Variants in PUS7 observed in about 807,000 individuals in gnomAD.
The protein encoded by PUS7 is pseudouridylate synthase 7 homolog.
Under a neutral mutation model 79.8 loss-of-function variants are expected in PUS7, and 48 were observed. The observed-to-expected ratio is 0.60, with a 90% confidence interval of 0.48 to 0.76. The LOEUF (loss-of-function observed/expected upper bound fraction) is 0.76. PUS7 is among the 30% of genes least tolerant of loss of function. PUS7 has a pLI of 0.00. For synonymous variants in PUS7, 286 were observed against 272.2 expected, an observed-to-expected ratio of 1.05 and a Z score of -0.50; for missense variants, 729 against 797.6, an observed-to-expected ratio of 0.91 and a Z score of 1.04.
intron 12 of PUS7, among the ~76,000 whole-genome samples, chr7:105,467,032 C>CTTTT (rs1823671015): frequency 2.0e-5 from 1 of 51,028 alleles, no homozygotes; most frequent in East Asian, 9.1e-4. Context: ...CCAGTTTTTT[C>CTTTT]TGTTTTTTTT....
intron 8 of PUS7, among the ~76,000 whole-genome samples, chr7:105,481,874 G>A (rs548043205): frequency 1.3e-5 from 2 of 152,162 alleles, no homozygotes; most frequent in African/African-American, 4.8e-5. Flanking sequence ...GGGACTACAG[G>A]TGTCTGCCAC....
At chr7:105,504,107 T>C (rs1464201050) in intron 4 of PUS7, among the ~76,000 whole-genome samples, 1 of 150,470 alleles carries the variant, frequency 6.6e-6, no homozygotes, top group Non-Finnish European at 1.5e-5. Flanking sequence ...TTCACTCTTG[T>C]TGCCCAGGCT....
intron 6 of PUS7, among the ~76,000 whole-genome samples, chr7:105,492,846 T>C (rs534595157): frequency 8.7e-4 from 132 of 152,318 alleles, no homozygotes; most frequent in African/African-American, 3.1e-3. Context: ...TTTCGCCATG[T>C]TGGCCAGGCT....
rs1292460321 is a variant in PUS7 at position 105,470,825 on chromosome 7, A to G, written c.1261T>C (p.Cys421Arg). 6.2e-7 allele frequency: 1 copy of G among 1,604,794 alleles called. No individual in the cohort carries two copies. Among genetic ancestry groups the G allele is most frequent in the South Asian group, 1.1e-5 (1 of 90,540 alleles). Reference protein sequence around the residue: ...SGAEKGYLVKCREEWAKTKDP... With the variant: ...SGAEKGYLVKRREEWAKTKDP... ...TTGGTCTTTGCCCATTCTTCTCTGC[A>G]TTTAACCAAGTAGCCCTTTTCAGCT... Residue 421 changes from cysteine (C) to arginine (R), a missense_variant, in exon 11 of 16, where the codon TGC becomes CGC. By Grantham distance (180) the Cys-to-Arg change is radical. Coordinates refer to ENST00000469408, the MANE Select transcript of PUS7 (RefSeq NM_019042.5).
chr7:105,470,667 G>T, intron 11 of PUS7, 21 bp downstream of exon 11: 1 of 1,543,618 alleles, frequency 6.5e-7, no homozygotes, highest in Non-Finnish European at 8.8e-7. Flanking sequence ...GCCATTGCCT[G>T]ACTTCACAAA....
At chr7:105,497,108 C>T (rs554955816) in intron 5 of PUS7, 10 of 466,384 alleles carry the variant, frequency 2.1e-5, no homozygotes, top group African/African-American at 1.0e-4. Flanking sequence ...GGTAGTTATG[C>T]GGTGGGTTAA....
intron 7 of PUS7, among the ~76,000 whole-genome samples, chr7:105,485,715 C>T (rs1009754816): frequency 9.2e-5 from 14 of 152,202 alleles, no homozygotes; most frequent in Admixed American, 5.9e-4. Flanking sequence ...ACTTTGAATA[C>T]GTACTAAATC....
chr7:105,465,705 T>C (rs1329629673), intron 12 of PUS7, among the ~76,000 whole-genome samples: 1 of 152,034 alleles, frequency 6.6e-6, no homozygotes, highest in Non-Finnish European at 1.5e-5. Flanking sequence ...TGGTGGCGCA[T>C]GCCTGTAATC....
intron 1 of PUS7, among the ~76,000 whole-genome samples, chr7:105,521,191 A>C (rs1826093778): frequency 6.6e-6 from 1 of 152,080 alleles, no homozygotes; most frequent in African/African-American, 2.4e-5. Context: ...CCCCCAGGCC[A>C]ATGGGGCATA....
Position 105,508,232 on chromosome 7 carries a change from T to A in PUS7, c.281A>T (p.Glu94Val), listed in dbSNP as rs762900732. ...EEEDGLSEEC[E>V]EEESESFADM... ...TGCAAAACTCTCTGATTCCTCCTCC[T>A]CGCACTCCTCTGAAAGTCCATCTTC... Residue 94 changes from glutamate (E) to valine (V), a missense_variant, in exon 2 of 16, where the codon GAG becomes GTG. Transcript: ENST00000469408. 2 of 1,614,126 alleles carry A rather than the reference T, an allele frequency of 1.2e-6. No homozygotes were observed. Among genetic ancestry groups the A allele is most frequent in the Non-Finnish European group, 1.7e-6 (2 of 1,180,022 alleles).
chr7:105,480,450 GAAC>G (rs1355209259), intron 9 of PUS7, among the ~76,000 whole-genome samples: 1 of 151,902 alleles, frequency 6.6e-6, no homozygotes, highest in Non-Finnish European at 1.5e-5. Flanking sequence ...ACTTCAGCCT[GAAC>G]AACAAAGATT....
intron 14 of PUS7, among the ~76,000 whole-genome samples, chr7:105,460,875 A>AT (rs1491075066): frequency 6.6e-6 from 1 of 150,500 alleles, no homozygotes; most frequent in African/African-American, 2.4e-5. Flanking sequence ...AAAAAAAAAA[A>AT]ATTTGTTTTT....
In PUS7 at chr7:105,456,970, A is replaced by G. The variant is rs1270140545; in HGVS notation, c.*820T>C. 6.6e-6 allele frequency: 1 copy of G among 152,160 alleles called. No individual in the cohort carries two copies. The highest frequency in any genetic ancestry group is 1.5e-5 in the Non-Finnish European group (1 of 68,056). 9.4% of individuals were successfully genotyped at this position (152,160 alleles called of 1,614,324 possible). On this transcript the variant is annotated 3_prime_UTR_variant, in exon 16 of 16. Coordinates refer to ENST00000469408, the MANE Select transcript of PUS7 (RefSeq NM_019042.5). ...ATGGCCAAACCCCCGTCTCTACAAAAAAATACAAAAATCAGCTAGGCGTGG... is the reference window on the plus strand; with the variant it reads ...ATGGCCAAACCCCCGTCTCTACAAAGAAATACAAAAATCAGCTAGGCGTGG...
intron 1 of PUS7, among the ~76,000 whole-genome samples, chr7:105,517,166 C>CTTTTTTTTTTTTTTTT (rs1289590315): frequency 3.4e-4 from 50 of 146,704 alleles, no homozygotes; most frequent in Admixed American, 4.9e-4. Flanking sequence ...CTTCACATTT[C>CTTTTTTTTTTTTTTTT]TTTTTTTGGC....
chr7:105,489,016 C>T (rs1211231864), intron 7 of PUS7, among the ~76,000 whole-genome samples: 2 of 151,720 alleles, frequency 1.3e-5, no homozygotes, highest in Middle Eastern at 3.2e-3. Flanking sequence ...GGCATGGTGG[C>T]GGGCGCCTGT....
intron 2 of PUS7, among the ~76,000 whole-genome samples, chr7:105,506,712 C>T (rs1825479046): frequency 6.6e-6 from 1 of 152,028 alleles, no homozygotes; most frequent in Non-Finnish European, 1.5e-5. Context: ...CGTGAATCAC[C>T]ACATCCGGTC....
intron 13 of PUS7, among the ~76,000 whole-genome samples, chr7:105,462,955 T>C (rs1348578851): frequency 1.3e-5 from 2 of 152,180 alleles, no homozygotes; most frequent in African/African-American, 4.8e-5. Flanking sequence ...GAGCTTTGGT[T>C]TGGCCAATTT....
chr7:105,477,110 G>A (rs1824144554), intron 9 of PUS7, among the ~76,000 whole-genome samples: 1 of 151,874 alleles, frequency 6.6e-6, no homozygotes, highest in South Asian at 2.1e-4. Flanking sequence ...TCTTTTGTTT[G>A]TTGCCTGTGC....
In PUS7 at chr7:105,482,403, A is replaced by G. The variant is rs542221978; in HGVS notation, c.958T>C (p.Leu320=). 4 of 1,612,684 alleles carry G rather than the reference A, an allele frequency of 2.5e-6. No homozygotes were observed. In the African/African-American group the frequency reaches 5.3e-5, roughly 22 times the overall value. Residue 320 remains leucine, a synonymous_variant, in exon 8 of 16, where the codon TTG becomes CTG. Transcript: ENST00000469408. ...AQRLAHLNKC[L]MNFKLGNFSY... is the part of the protein sequence containing the mutation. The stretch of plus-strand genomic sequence containing the variant: ...AAATTCCCTAGCTTAAAGTTCATCA[A>G]GCACTTATTCAGGTGGGCAAGTCTT...
Sources: allele counts gnomAD v4.1 joint callset (sites outside exome capture counted in the v4.1 genomes callset), GRCh38; gene constraint gnomAD v4.1.1; transcripts MANE v1.5; gene names NCBI Gene and HGNC (gene_info 2026-07-23, HGNC 2026-07-21).